Variants in HEMK2 observed in about 807,000 individuals in gnomAD.
The protein encoded by HEMK2 is HemK methyltransferase 2, ETF1 glutamine and histone H4 lysine.
At chr21:28,807,933 G>A in the HEMK2 span, among the ~76,000 whole-genome samples, 1 of 152,152 alleles carries the variant, frequency 6.6e-6, no homozygotes, top group Admixed American at 6.5e-5. Context: ...GAGGTGATGT[G>A]AAAGAGTCTT....
the HEMK2 span, among the ~76,000 whole-genome samples, chr21:28,808,108 G>C: frequency 6.6e-6 from 1 of 152,130 alleles, no homozygotes. Context: ...GGAAGATGAT[G>C]ACAGCAGAGA....
chr21:28,651,556 T>C, the HEMK2 span, among the ~76,000 whole-genome samples: 3 of 152,242 alleles, frequency 2.0e-5, no homozygotes, highest in Non-Finnish European at 2.9e-5. Context: ...AGTTGCAATT[T>C]GAGTTCAATC....
chr21:28,876,771 T>C, the HEMK2 span, among the ~76,000 whole-genome samples: 1 of 152,108 alleles, frequency 6.6e-6, no homozygotes, highest in African/African-American at 2.4e-5. Context: ...GTCATTGTTA[T>C]TATAGCAAGT....
the HEMK2 span, among the ~76,000 whole-genome samples, chr21:28,619,193 C>T: frequency 6.6e-6 from 1 of 152,156 alleles, no homozygotes; most frequent in Admixed American, 6.5e-5. Context: ...TTGTCAATAT[C>T]TGGATTTTGA....
At chr21:28,675,938 G>C in the HEMK2 span, among the ~76,000 whole-genome samples, 2 of 152,092 alleles carry the variant, frequency 1.3e-5, no homozygotes, top group Non-Finnish European at 2.9e-5. Flanking sequence ...CTTCTCTTGG[G>C]CCACTTTCTC....
At chr21:28,733,540 C>T in the HEMK2 span, among the ~76,000 whole-genome samples, 1 of 152,162 alleles carries the variant, frequency 6.6e-6, no homozygotes, top group East Asian at 1.9e-4. Context: ...GACCTCTCTA[C>T]AGTTGAACCT....
the HEMK2 span, among the ~76,000 whole-genome samples, chr21:28,632,050 A>G: frequency 1.3e-5 from 2 of 152,242 alleles, no homozygotes; most frequent in Middle Eastern, 3.2e-3. Context: ...AACCAGGACT[A>G]GTCAGCTTGC....
At chr21:28,885,367 CGCGTGCGCAGG>C in the HEMK2 span, 7 of 1,527,288 alleles carry the variant, frequency 4.6e-6, no homozygotes, top group Admixed American at 3.9e-5. Context: ...GCGTTCCATG[CGCGTGCGCAGG>C]GCGTGCGCAT....
At chr21:28,738,190 ACTTT>A in the HEMK2 span, among the ~76,000 whole-genome samples, 2 of 152,134 alleles carry the variant, frequency 1.3e-5, no homozygotes, top group South Asian at 2.1e-4. Context: ...GACACTTTGA[ACTTT>A]CTTTCTCAGA....
chr21:28,710,168 G>A, the HEMK2 span, among the ~76,000 whole-genome samples: 1 of 152,266 alleles, frequency 6.6e-6, no homozygotes, highest in South Asian at 2.1e-4. Flanking sequence ...TGGAGCACAG[G>A]GAAGAATCTG....
At chr21:28,686,055 A>G in the HEMK2 span, among the ~76,000 whole-genome samples, 1 of 152,186 alleles carries the variant, frequency 6.6e-6, no homozygotes, top group African/African-American at 2.4e-5. Flanking sequence ...ATTAGAAACT[A>G]TATTAGTGAG....
the HEMK2 span, among the ~76,000 whole-genome samples, chr21:28,719,021 G>C: frequency 6.6e-6 from 1 of 152,096 alleles, no homozygotes; most frequent in Admixed American, 6.6e-5. Flanking sequence ...CCCAAAAAAG[G>C]CAACAATGGG....
the HEMK2 span, among the ~76,000 whole-genome samples, chr21:28,714,697 C>T: frequency 5.3e-5 from 8 of 152,098 alleles, no homozygotes; most frequent in South Asian, 8.3e-4. Context: ...AGGTTTGTCA[C>T]GAGTATATTG....
the HEMK2 span, among the ~76,000 whole-genome samples, chr21:28,728,911 C>G: frequency 6.6e-6 from 1 of 152,206 alleles, no homozygotes; most frequent in Non-Finnish European, 1.5e-5. Context: ...AGTGCCCACT[C>G]TCCACCCTCC....
chr21:28,593,433 T>C, the HEMK2 span, among the ~76,000 whole-genome samples: 2 of 152,218 alleles, frequency 1.3e-5, no homozygotes, highest in Non-Finnish European at 2.9e-5. Flanking sequence ...ATTTTCTTGC[T>C]CTGATAGTTG....
chr21:28,837,568 C>T, the HEMK2 span, among the ~76,000 whole-genome samples: 1 of 152,122 alleles, frequency 6.6e-6, no homozygotes, highest in Non-Finnish European at 1.5e-5. Context: ...AAGTTCACAT[C>T]CCTAAACACG....
the HEMK2 span, among the ~76,000 whole-genome samples, chr21:28,782,151 C>A: frequency 3.9e-5 from 6 of 152,344 alleles, no homozygotes; most frequent in African/African-American, 1.4e-4. Context: ...TAGTCTTAAT[C>A]TTTGCAGTGT....
chr21:28,865,592 C>T, the HEMK2 span, among the ~76,000 whole-genome samples: 1 of 152,290 alleles, frequency 6.6e-6, no homozygotes, highest in East Asian at 1.9e-4. Context: ...CTGCTCTATC[C>T]TAGACTCCTC....
the HEMK2 span, among the ~76,000 whole-genome samples, chr21:28,638,209 A>G: frequency 6.6e-6 from 1 of 152,196 alleles, no homozygotes; most frequent in South Asian, 2.1e-4. Context: ...TAGGGGTAGG[A>G]ATATGAATGG....
Sources: gnomAD v4.1 joint callset for allele counts (sites outside exome capture counted in the v4.1 genomes callset) on GRCh38, gnomAD v4.1.1 for gene constraint, MANE v1.5 for transcripts, NCBI Gene and HGNC (gene_info 2026-07-23, HGNC 2026-07-21) for gene names.